The following CNTNAP5 variants were observed in gnomAD, a reference collection of about 807,000 sequenced individuals.
CNTNAP5 encodes the protein contactin associated protein family member 5, also known as contactin-associated protein-like 5.
In CNTNAP5, 72 loss-of-function variants were observed where a neutral mutation model predicts 150.2. The ratio of observed to expected loss-of-function variants is 0.48; its 90% CI spans 0.40 to 0.58. The LOEUF (loss-of-function observed/expected upper bound fraction) is 0.58. Ranked by LOEUF, CNTNAP5 falls within the 20% of genes least tolerant of loss-of-function variation. The pLI is 0.00. For missense variants in CNTNAP5, 1,636 were observed against 1,626.2 expected (o/e 1.01, Z -0.10); for synonymous variants, 672 against 619.8 (o/e 1.08, Z -1.25).
chr2:124,455,794 A>G (rs1693104773), intron 6 of CNTNAP5, among the ~76,000 whole-genome samples: 1 of 152,170 alleles, frequency 6.6e-6, no homozygotes, highest in Non-Finnish European at 1.5e-5. Flanking sequence ...ACACTACATA[A>G]ACAGAATAAA....
Position 124,305,584 on chromosome 2 carries a change from G to T in CNTNAP5, c.381+63191G>T, listed in dbSNP as rs543235312. ...CAAGTGTTGGAAACTTAATCCCAGT[G>T]CAACAGTGTTGAAAAGAGAATTCCT... is the stretch of plus-strand genomic sequence containing the variant. On this transcript the variant is annotated intron_variant, in intron 3 of 23. Transcript: ENST00000682447. Among the ~76,000 whole-genome samples the T allele has an allele frequency of 2.4e-4, 37 of 152,274 alleles. No individual in the cohort carries two copies. The South Asian group carries it at 7.5e-3, about 31-fold the overall frequency.
chr2:124,236,163 A>C (rs2104759193), intron 2 of CNTNAP5, among the ~76,000 whole-genome samples: 1 of 152,146 alleles, frequency 6.6e-6, no homozygotes, highest in East Asian at 1.9e-4. Context: ...ACGGGGTTTC[A>C]CCATGTTGGC....
chr2:124,713,241 TTCTCTTTC>T (rs1474395679), intron 13 of CNTNAP5, among the ~76,000 whole-genome samples: 4,609 of 55,854 alleles, frequency 0.083, 776 homozygotes, highest in South Asian at 0.099. Flanking sequence ...CTTTCTTTCT[TTCTCTTTC>T]TTTCTTTCTT....
chr2:124,635,786 G>A (rs1677958208), intron 12 of CNTNAP5, among the ~76,000 whole-genome samples: 1 of 152,134 alleles, frequency 6.6e-6, no homozygotes, highest in Admixed American at 6.6e-5. Context: ...AAGTAGGCAG[G>A]CCAAGCACCC....
chr2:124,501,614 T>C (rs1286626163), intron 7 of CNTNAP5, among the ~76,000 whole-genome samples: 1 of 152,204 alleles, frequency 6.6e-6, no homozygotes, highest in Non-Finnish European at 1.5e-5. Flanking sequence ...GGTCAGTCCA[T>C]GTTGATTTCA....
At chr2:124,391,933 G>A (rs1293512934) in intron 3 of CNTNAP5, among the ~76,000 whole-genome samples, 1 of 149,252 alleles carries the variant, frequency 6.7e-6, no homozygotes, top group Admixed American at 6.6e-5. Flanking sequence ...TCCAGCCTGG[G>A]TGACAGAGCG....
intron 1 of CNTNAP5, among the ~76,000 whole-genome samples, chr2:124,140,251 A>C (rs1684084301): frequency 6.6e-6 from 1 of 150,718 alleles, no homozygotes; most frequent in African/African-American, 2.4e-5. Flanking sequence ...TAGGTAAACA[A>C]AGCAGCCGGG....
At chr2:124,312,761 G>A (rs1172178117) in intron 3 of CNTNAP5, among the ~76,000 whole-genome samples, 4 of 152,086 alleles carry the variant, frequency 2.6e-5, no homozygotes, top group Non-Finnish European at 4.4e-5. Flanking sequence ...TAGTAGAGAC[G>A]GGGTTTCACC....
chr2:124,819,417 C>T (rs1405235808), intron 19 of CNTNAP5, among the ~76,000 whole-genome samples: 1 of 152,000 alleles, frequency 6.6e-6, no homozygotes, highest in Non-Finnish European at 1.5e-5. Flanking sequence ...CAGTATGGGT[C>T]GGTTTGACCC....
At chr2:124,417,179 C>A (rs1245262633) in intron 3 of CNTNAP5, among the ~76,000 whole-genome samples, 1 of 151,874 alleles carries the variant, frequency 6.6e-6, no homozygotes, top group Non-Finnish European at 1.5e-5. Flanking sequence ...ACCTCATGAC[C>A]CGCTTGCCTC....
At chr2:124,194,402 TATATATATAA>T (rs1452527680) in intron 1 of CNTNAP5, among the ~76,000 whole-genome samples, 1,985 of 10,912 alleles carry the variant, frequency 0.18, 9 homozygotes, top group Admixed American at 0.31. Flanking sequence ...TATATATATA[TATATATATAA>T]ATATAAATAG....
intron 12 of CNTNAP5, among the ~76,000 whole-genome samples, chr2:124,620,758 CACA>C (rs1558707395): frequency 3.9e-5 from 5 of 127,994 alleles, no homozygotes; most frequent in Admixed American, 3.7e-4. Flanking sequence ...CACACACACA[CACA>C]CACACACACA....
At chr2:124,125,886 C>G (rs1030450397) in intron 1 of CNTNAP5, among the ~76,000 whole-genome samples, 1 of 152,118 alleles carries the variant, frequency 6.6e-6, no homozygotes, top group Admixed American at 6.6e-5. Flanking sequence ...ACACAACATA[C>G]CAGAATCTCT....
intron 13 of CNTNAP5, among the ~76,000 whole-genome samples, chr2:124,663,320 T>G (rs1408460777): frequency 6.6e-6 from 1 of 152,194 alleles, no homozygotes; most frequent in South Asian, 2.1e-4. Context: ...GCTAGTAAAC[T>G]AGTATTATAT....
intron 7 of CNTNAP5, among the ~76,000 whole-genome samples, chr2:124,499,425 G>T (rs1012774684): frequency 1.3e-5 from 2 of 152,346 alleles, no homozygotes; most frequent in East Asian, 3.9e-4. Context: ...AGCCCAGAAG[G>T]CTTGCTGGGC....
intron 11 of CNTNAP5, among the ~76,000 whole-genome samples, chr2:124,578,758 G>A (rs1158099143): frequency 6.6e-6 from 1 of 152,106 alleles, no homozygotes; most frequent in Non-Finnish European, 1.5e-5. Flanking sequence ...GTGTAACAGA[G>A]TGAGACCCTG....
chr2:124,463,915 C>T (rs773466081), intron 6 of CNTNAP5, among the ~76,000 whole-genome samples: 50 of 152,178 alleles, frequency 3.3e-4, no homozygotes, highest in African/African-American at 1.2e-3. Context: ...AGTCAAGCTG[C>T]TAAACCTCTG....
At chr2:124,087,980 G>A (rs1167600980) in intron 1 of CNTNAP5, among the ~76,000 whole-genome samples, 1 of 152,082 alleles carries the variant, frequency 6.6e-6, no homozygotes. Flanking sequence ...GAATCTGCAG[G>A]TTTATGTCTT....
chr2:124,218,567 C>A (rs1044200512), intron 1 of CNTNAP5, among the ~76,000 whole-genome samples: 7 of 152,144 alleles, frequency 4.6e-5, no homozygotes, highest in Non-Finnish European at 8.8e-5. Context: ...TTCCTTGGAT[C>A]TTTCCATTAG....
Sources: allele counts gnomAD v4.1 joint callset (sites outside exome capture counted in the v4.1 genomes callset), GRCh38; gene constraint gnomAD v4.1.1; transcripts MANE v1.5; gene names NCBI Gene and HGNC (gene_info 2026-07-23, HGNC 2026-07-21).